The following RRBP1 variants were observed in gnomAD, a reference collection of about 807,000 sequenced individuals.
RRBP1 encodes the protein ribosome binding protein 1.
A neutral mutation model predicts 165.2 loss-of-function variants in RRBP1; 94 were observed. The ratio of observed to expected loss-of-function variants is 0.57; its 90% CI spans 0.48 to 0.68. The LOEUF (loss-of-function observed/expected upper bound fraction) is 0.68. RRBP1 is among the 30% of genes least tolerant of loss of function. The pLI is 0.00. For synonymous variants in RRBP1, 680 were observed against 714.5 expected (o/e 0.95, Z 0.77); for missense variants, 1,676 against 1,763.0 (o/e 0.95, Z 0.88).
Position 17,658,889 on chromosome 20 carries a change from C to A in RRBP1, c.1619G>T (p.Gly540Val). 1.2e-6 allele frequency: 2 copies of A among 1,613,428 alleles called. No individual in the cohort carries two copies. Among genetic ancestry groups the A allele is most frequent in the Non-Finnish European group, 8.5e-7 (1 of 1,179,858 alleles). ...AERSPNQGKK[G>V]EGAPIQGKKA... ...TTTGCCCTGGATGGGAGCTCCCTCT[C>A]CTTTTTTGCCTTGGTTGGGACTCCT... Residue 540 changes from glycine to valine, a missense_variant, in exon 3 of 25, where the codon GGA becomes GTA. Gly to Val is a moderately radical substitution (Grantham distance 109, BLOSUM62 -3). Coordinates refer to ENST00000377813, the MANE Select transcript of RRBP1 (RefSeq NM_001365613.2).
chr20:17,627,803 CTGTG>C (rs894496860), intron 9 of RRBP1, 121 bp from the exon 10 acceptor site: 21 of 924,772 alleles, frequency 2.3e-5, no homozygotes, highest in Middle Eastern at 2.2e-4. Flanking sequence ...CCTGCCTCCT[CTGTG>C]TGTCTGGGGC....
chr20:17,614,117 T>C lies in RRBP1; in HGVS notation c.*65A>G, dbSNP rs1301673555. 2.6e-6 allele frequency: 4 copies of C among 1,536,296 alleles called. No homozygotes were observed. The highest frequency in any genetic ancestry group is 2.7e-6 in the Non-Finnish European group (3 of 1,109,562). Reference sequence around the variant, plus strand: ...AACGCTGTGTAGGTTGGTTGGTTTATTTGTAAGGAATGTGTAAGGCATTTT... The same window carrying C: ...AACGCTGTGTAGGTTGGTTGGTTTACTTGTAAGGAATGTGTAAGGCATTTT... On this transcript the variant is annotated 3_prime_UTR_variant, in exon 25 of 25. Coordinates refer to ENST00000377813, the MANE Select transcript of RRBP1 (RefSeq NM_001365613.2).
intron 19 of RRBP1, 97 bp from the exon 20 acceptor site, chr20:17,618,776 T>C (rs1219379388): frequency 4.4e-6 from 4 of 914,052 alleles, no homozygotes; most frequent in East Asian, 5.1e-5. Flanking sequence ...ACCTAACACA[T>C]CCACTTAACC....
intron 5 of RRBP1, among the ~76,000 whole-genome samples, chr20:17,637,997 TA>T (rs2036279423): frequency 6.6e-6 from 1 of 152,136 alleles, no homozygotes. Context: ...GGAGCAGCTC[TA>T]AGAGGCAGGG....
Position 17,682,115 on chromosome 20 carries a change from A to G in RRBP1, c.-186T>C, listed in dbSNP as rs1441224344. On this transcript the variant is annotated 5_prime_UTR_variant, in exon 1 of 25. Transcript: ENST00000377813. ...CGGAGCCGGGAGAGAGGAGCCGGCC[A>G]AGCCTCCGCCAAGAAACCGCCCCCG... is the stretch of plus-strand genomic sequence containing the variant. 3 of 152,554 alleles carry G rather than the reference A, an allele frequency of 2.0e-5. No individual in the cohort carries two copies. In the East Asian group the frequency reaches 5.8e-4, roughly 30 times the overall value. 9.5% of individuals were successfully genotyped at this position (152,554 alleles called of 1,614,324 possible).
intron 7 of RRBP1, 106 bp from the exon 8 acceptor site, chr20:17,633,719 C>A: frequency 8.2e-7 from 1 of 1,212,150 alleles, no homozygotes; most frequent in East Asian, 2.4e-5. Flanking sequence ...AAGCAGTTGC[C>A]CAAGTCTTGA....
chr20:17,615,697 C>T (rs1051383790), intron 22 of RRBP1, among the ~76,000 whole-genome samples, 168 bp from the exon 23 acceptor site: 2 of 152,220 alleles, frequency 1.3e-5, no homozygotes, highest in African/African-American at 4.8e-5. Flanking sequence ...TCTGACCCAG[C>T]CCCAGGCCCT....
At chr20:17,640,720 T>C (rs1600749132) in intron 5 of RRBP1, among the ~76,000 whole-genome samples, 1 of 151,920 alleles carries the variant, frequency 6.6e-6, no homozygotes, top group South Asian at 2.1e-4. Flanking sequence ...CCCAGCAGGG[T>C]GGAGAGCAGC....
rs1048024127 is a variant in RRBP1 at position 17,622,267 on chromosome 20, G to A, written c.3148-320C>T. ...CAGTCTCCACCAGCTCTCACTTCCCGAGCTCTCTGGGCATGTGTGCATGTG... is the reference window on the plus strand; with the variant it reads ...CAGTCTCCACCAGCTCTCACTTCCCAAGCTCTCTGGGCATGTGTGCATGTG... On this transcript the variant is annotated intron_variant, in intron 13 of 24. Coordinates refer to ENST00000377813, the MANE Select transcript of RRBP1 (RefSeq NM_001365613.2). Among the ~76,000 whole-genome samples, 15 of 152,302 alleles carry A rather than the reference G, an allele frequency of 9.8e-5. 1 individual carries two copies. The highest frequency in any genetic ancestry group is 6.2e-4 in the South Asian group (3 of 4,822).
chr20:17,618,533 T>C (rs2035844744), intron 20 of RRBP1, 63 bp downstream of exon 20: 7 of 1,223,604 alleles, frequency 5.7e-6, no homozygotes, highest in Admixed American at 3.4e-5. Flanking sequence ...GACTGGCAAA[T>C]GCATCTCACA....
intron 3 of RRBP1, among the ~76,000 whole-genome samples, chr20:17,657,653 A>G (rs1031556535): frequency 2.0e-5 from 3 of 152,228 alleles, no homozygotes; most frequent in African/African-American, 4.8e-5. Context: ...GAAAGAAAAC[A>G]TAAGTGAAAC....
Position 17,615,447 on chromosome 20 carries a change from T to G in RRBP1, c.4034A>C (p.Glu1345Ala). ...CCTGCCTGCCTTCAGCTGTGAGGCC[T>G]CCTCTGTTTCTGAAGACTCTAGGGG... ...AGPLESSETE[E>A]ASQLKERLEK... The change falls in exon 23 of 25, where the codon GAG (glutamate) becomes GCG (alanine). Residue 1345 changes from glutamate (E) to alanine (A), a missense_variant. Glu to Ala is a moderately radical substitution (Grantham distance 107). Transcript: ENST00000377813. 2 of 1,609,640 alleles carry G rather than the reference T, an allele frequency of 1.2e-6. No individual in the cohort carries two copies. The highest frequency in any genetic ancestry group is 1.7e-6 in the Non-Finnish European group (2 of 1,178,088).
intron 3 of RRBP1, among the ~76,000 whole-genome samples, chr20:17,652,989 T>A (rs762303448): frequency 1.3e-5 from 2 of 152,062 alleles, no homozygotes; most frequent in Non-Finnish European, 2.9e-5. Context: ...GCACCACAGC[T>A]CATGGCTAAC....
chr20:17,662,664 C>T (rs1008070215), intron 2 of RRBP1, among the ~76,000 whole-genome samples: 7 of 152,102 alleles, frequency 4.6e-5, no homozygotes, highest in South Asian at 2.1e-4. Context: ...ACTGGCCTTC[C>T]GAGAACACAC....
intron 2 of RRBP1, among the ~76,000 whole-genome samples, chr20:17,677,690 T>C (rs2122518835): frequency 6.6e-6 from 1 of 152,144 alleles, no homozygotes. Flanking sequence ...AAATACAAAA[T>C]TAGCCGGGTG....
chr20:17,677,443 T>C (rs549226571), intron 2 of RRBP1, among the ~76,000 whole-genome samples: 14 of 152,208 alleles, frequency 9.2e-5, no homozygotes, highest in Admixed American at 6.5e-5. Flanking sequence ...AGTTAAACTT[T>C]GGTTTTATAT....
chr20:17,633,772 T>C lies in RRBP1; in HGVS notation c.2457-159A>G, dbSNP rs6044919. ...CTTTTCCATTATCAGCTGTGTGGGGTTGGGCATGTGTTTTGTTGAAGACAT... is the reference window on the plus strand; with the variant it reads ...CTTTTCCATTATCAGCTGTGTGGGGCTGGGCATGTGTTTTGTTGAAGACAT... On this transcript the variant is annotated intron_variant, in intron 7 of 24. Transcript: ENST00000377813. Among the ~76,000 whole-genome samples, 616 of 152,336 alleles carry C rather than the reference T, an allele frequency of 4.0e-3. 6 individuals carry two copies. Among genetic ancestry groups the C allele is most frequent in the African/African-American group, 0.014 (591 of 41,568 alleles).
intron 19 of RRBP1, chr20:17,619,011 C>G (rs955657948): frequency 3.4e-6 from 1 of 290,030 alleles, no homozygotes; most frequent in Non-Finnish European, 6.7e-6. Flanking sequence ...TGGTCTTGAA[C>G]TCTTGGGCTC....
intron 3 of RRBP1, among the ~76,000 whole-genome samples, chr20:17,654,988 C>A (rs1222515175): frequency 6.6e-6 from 1 of 152,140 alleles, no homozygotes. Context: ...TATATCAAGA[C>A]CCAATTTTAT....
Sources: gnomAD v4.1 joint callset for allele counts (sites outside exome capture counted in the v4.1 genomes callset) on GRCh38, gnomAD v4.1.1 for gene constraint, MANE v1.5 for transcripts, NCBI Gene and HGNC (gene_info 2026-07-23, HGNC 2026-07-21) for gene names.